CTNNA3: variants seen among roughly 807,000 people sequenced by gnomAD.
CTNNA3 encodes catenin alpha-3.
In CTNNA3, 76 loss-of-function variants were observed where a neutral mutation model predicts 95.7. The ratio of observed to expected loss-of-function variants is 0.79; its 90% CI spans 0.66 to 0.96. The LOEUF (loss-of-function observed/expected upper bound fraction) is 0.96. CTNNA3 is among the 40% of genes least tolerant of loss of function. CTNNA3 has a pLI of 0.00. For missense variants in CTNNA3, 1,191 were observed against 1,089.8 expected, an observed-to-expected ratio of 1.09 and a Z score of -1.31; for synonymous variants, 431 against 374.4, an observed-to-expected ratio of 1.15 and a Z score of -1.74.
intron 7 of CTNNA3, among the ~76,000 whole-genome samples, chr10:67,114,709 G>GGTGGGTGTGTGTGTGTGT (rs932746570): frequency 6.9e-6 from 1 of 144,754 alleles, no homozygotes; most frequent in African/African-American, 2.6e-5. Flanking sequence ...GGTTCTTAAA[G>GGTGGGTGTGTGTGTGTGT]GTGTGTGTGT....
intron 7 of CTNNA3, among the ~76,000 whole-genome samples, chr10:67,053,162 A>G (rs373510073): frequency 6.6e-6 from 1 of 152,198 alleles, no homozygotes; most frequent in Non-Finnish European, 1.5e-5. Flanking sequence ...GGAACCAATC[A>G]TCTTTTAGAA....
At chr10:66,767,200 C>T (rs1839896772) in intron 8 of CTNNA3, among the ~76,000 whole-genome samples, 1 of 152,122 alleles carries the variant, frequency 6.6e-6, no homozygotes, top group African/African-American at 2.4e-5. Flanking sequence ...GTAATCCCAG[C>T]ACTTTGGGAG....
In CTNNA3 at chr10:67,409,580, T is replaced by C. The variant is rs538592076; in HGVS notation, c.579+112262A>G. Reference sequence around the variant, plus strand: ...GAGGGGAATAACACACACTGGAGGCTGTTAGGGGTGGAGGTGGGGTAGGGG... The same window carrying C: ...GAGGGGAATAACACACACTGGAGGCCGTTAGGGGTGGAGGTGGGGTAGGGG... On this transcript the variant is annotated intron_variant, in intron 5 of 17. Transcript: ENST00000433211. 7.9e-4 allele frequency among the ~76,000 whole-genome samples: 119 copies of C among 151,272 alleles called. 1 individual carries two copies. The highest frequency in any genetic ancestry group is 2.8e-3 in the African/African-American group (116 of 41,198).
intron 13 of CTNNA3, among the ~76,000 whole-genome samples, chr10:66,121,666 A>T (rs1317526980): frequency 6.6e-6 from 1 of 152,142 alleles, no homozygotes; most frequent in Non-Finnish European, 1.5e-5. Flanking sequence ...CCTGGGCAAC[A>T]TGGTGAAACC....
intron 13 of CTNNA3, among the ~76,000 whole-genome samples, chr10:66,124,992 T>C (rs2082752394): frequency 2.0e-5 from 3 of 152,124 alleles, no homozygotes; most frequent in African/African-American, 7.2e-5. Flanking sequence ...GAAAAAGAAC[T>C]CTACATTTCT....
chr10:67,741,308 A>G (rs1297312378), intron 1 of CTNNA3, among the ~76,000 whole-genome samples: 1 of 149,614 alleles, frequency 6.7e-6, no homozygotes, highest in African/African-American at 2.4e-5. Context: ...TTAAAGTATA[A>G]TAATAAAAAA....
intron 7 of CTNNA3, among the ~76,000 whole-genome samples, chr10:67,150,671 T>C (rs998088743): frequency 2.6e-5 from 4 of 152,174 alleles, no homozygotes; most frequent in African/African-American, 7.2e-5. Flanking sequence ...AACATTCTCT[T>C]TTCAATGATG....
chr10:66,521,312 A>G (rs1044960991), intron 10 of CTNNA3, among the ~76,000 whole-genome samples: 19 of 152,136 alleles, frequency 1.2e-4, no homozygotes, highest in Non-Finnish European at 1.0e-4. Flanking sequence ...ACACTTTTCT[A>G]AGTGATGATA....
At chr10:67,055,574 TA>T (rs1386992420) in intron 7 of CTNNA3, among the ~76,000 whole-genome samples, 2 of 152,158 alleles carry the variant, frequency 1.3e-5, no homozygotes, top group Admixed American at 6.5e-5. Flanking sequence ...TTCTAAGCAA[TA>T]AAAACTTAAC....
At chr10:66,568,833 A>G (rs1842786591) in intron 10 of CTNNA3, among the ~76,000 whole-genome samples, 1 of 151,942 alleles carries the variant, frequency 6.6e-6, no homozygotes. Flanking sequence ...CAATTTACAT[A>G]CATGGGGCAG....
intron 7 of CTNNA3, among the ~76,000 whole-genome samples, chr10:67,167,999 T>G (rs557690329): frequency 3.9e-5 from 6 of 152,098 alleles, no homozygotes; most frequent in Non-Finnish European, 8.8e-5. Flanking sequence ...TAGCTGGGCA[T>G]TCTGGCTCAC....
intron 15 of CTNNA3, among the ~76,000 whole-genome samples, chr10:66,039,996 T>C (rs2079651790): frequency 6.6e-6 from 1 of 152,058 alleles, no homozygotes; most frequent in South Asian, 2.1e-4. Context: ...ATATCCACCA[T>C]CTACAAGGAA....
At chr10:66,582,223 T>C (rs1564547713) in intron 10 of CTNNA3, among the ~76,000 whole-genome samples, 2 of 151,930 alleles carry the variant, frequency 1.3e-5, no homozygotes, top group South Asian at 4.1e-4. Context: ...AATCTGTAGA[T>C]TGCTTTGGAG....
chr10:66,665,972 C>T (rs577453127), intron 9 of CTNNA3, among the ~76,000 whole-genome samples: 48 of 152,158 alleles, frequency 3.2e-4, no homozygotes, highest in African/African-American at 8.9e-4. Flanking sequence ...ACAATAGGAA[C>T]GAAGTTTTCC....
chr10:66,312,805 A>C (rs909127742), intron 12 of CTNNA3, among the ~76,000 whole-genome samples: 2 of 152,138 alleles, frequency 1.3e-5, no homozygotes, highest in African/African-American at 4.8e-5. Flanking sequence ...TCGGCCTCCC[A>C]AAGTGCTGGG....
Position 65,975,845 on chromosome 10 carries a change from A to AT in CTNNA3, c.2266-9100dup, listed in dbSNP as rs574059121. ...CTTCTATAGGGCATTCTTTCAAATC[A>AT]TTTTTTGTTATTATTGCTTTCACTG... On this transcript the variant is annotated intron_variant, in intron 16 of 17. Coordinates refer to ENST00000433211, the MANE Select transcript of CTNNA3 (RefSeq NM_013266.4). 1.2e-3 allele frequency among the ~76,000 whole-genome samples: 180 copies of AT among 152,190 alleles called. 1 individual carries two copies. In the Middle Eastern group the frequency reaches 0.017, roughly 14 times the overall value.
At chr10:66,581,266 G>A (rs1211879788) in intron 10 of CTNNA3, among the ~76,000 whole-genome samples, 3 of 151,750 alleles carry the variant, frequency 2.0e-5, no homozygotes, top group African/African-American at 7.3e-5. Flanking sequence ...ATACCCAGTA[G>A]TGAGATTCCT....
chr10:66,199,318 C>T (rs972431717), intron 13 of CTNNA3, among the ~76,000 whole-genome samples: 1 of 152,106 alleles, frequency 6.6e-6, no homozygotes, highest in South Asian at 2.1e-4. Context: ...TCAACCTACT[C>T]TCACGAAATA....
rs1323953185 is a variant in CTNNA3, at chr10:66,512,382, T to C, written c.1531+8235A>G. ...GGTTTACATTTAAGGTTGTTATTGATAAGATGAGGATTTATTCTTGTCATT... is the reference window on the plus strand; with the variant it reads ...GGTTTACATTTAAGGTTGTTATTGACAAGATGAGGATTTATTCTTGTCATT... On this transcript the variant is annotated intron_variant, in intron 11 of 17. Transcript: ENST00000433211. Among the ~76,000 whole-genome samples, 3 of 152,082 alleles carry C rather than the reference T, an allele frequency of 2.0e-5. 1 individual carries two copies. Among genetic ancestry groups the C allele is most frequent in the Non-Finnish European group, 4.4e-5 (3 of 67,938 alleles).
Sources: allele counts gnomAD v4.1 joint callset (sites outside exome capture counted in the v4.1 genomes callset), GRCh38; gene constraint gnomAD v4.1.1; transcripts MANE v1.5; gene names NCBI Gene and HGNC (gene_info 2026-07-23, HGNC 2026-07-21).